The following COBLL1 variants were observed in gnomAD, a reference collection of about 807,000 sequenced individuals.
The protein encoded by COBLL1 is cordon-bleu protein-like 1.
Under a neutral mutation model 94.8 loss-of-function variants are expected in COBLL1, and 50 were observed. The observed-to-expected ratio is 0.53, with a 90% CI of 0.42 to 0.67. COBLL1 has a LOEUF of 0.67. Among genes scored for constraint, COBLL1 ranks in the 30% least tolerant of loss-of-function variants. The pLI is 0.00. For synonymous variants in COBLL1, 448 were observed against 473.8 expected, an observed-to-expected ratio of 0.95 and a Z score of 0.71; for missense variants, 1,362 against 1,348.7, an observed-to-expected ratio of 1.01 and a Z score of -0.15.
intron 2 of COBLL1, among the ~76,000 whole-genome samples, chr2:164,660,560 G>A (rs1691054604): frequency 6.6e-6 from 1 of 152,112 alleles, no homozygotes; most frequent in Non-Finnish European, 1.5e-5. Flanking sequence ...AACAAGCCCA[G>A]TAGTACACTA....
chr2:164,755,181 A>T (rs189991995), intron 2 of COBLL1, among the ~76,000 whole-genome samples: 10 of 152,112 alleles, frequency 6.6e-5, no homozygotes, highest in Non-Finnish European at 1.5e-4. Flanking sequence ...ATATATGAAA[A>T]TTTTTTTAAA....
Position 164,841,026 on chromosome 2 carries a change from T to G in COBLL1, c.41+130A>C. ...GGAGGAAGCAGCCTCCCCGGCCGCG[T>G]GGAGGACAGTCAGTGAGTCAGGCCG... On this transcript the variant is annotated intron_variant, in intron 2 of 13. Transcript: ENST00000652658. The surrounding 1 kb of genome is among the most constrained non-coding windows in gnomAD (Gnocchi z 5.5). 4.0e-6 allele frequency: 4 copies of G among 990,058 alleles called. No individual in the cohort carries two copies. The highest frequency in any genetic ancestry group is 5.2e-5 in the South Asian group (1 of 19,308). 61.3% of individuals were successfully genotyped at this position (990,058 alleles called of 1,614,324 possible).
chr2:164,679,950 A>T (rs1272343849), downstream of COBLL1, among the ~76,000 whole-genome samples: 1 of 151,252 alleles, frequency 6.6e-6, no homozygotes, highest in Non-Finnish European at 1.5e-5. Flanking sequence ...AATAATAATA[A>T]TAATAATAAT....
intron 2 of COBLL1, among the ~76,000 whole-genome samples, chr2:164,822,727 T>C (rs1367083257): frequency 4.1e-5 from 3 of 74,072 alleles, no homozygotes; most frequent in Non-Finnish European, 2.8e-5. Context: ...TCTGAAAAGA[T>C]TATATTATAT....
At chr2:164,754,753 T>G (rs1687307583) in intron 2 of COBLL1, among the ~76,000 whole-genome samples, 1 of 152,248 alleles carries the variant, frequency 6.6e-6, no homozygotes, top group Admixed American at 6.5e-5. Context: ...AAGTCTATTT[T>G]AAATTCTTTT....
At chr2:164,671,386 C>T (rs1691238826) in intron 1 of COBLL1, among the ~76,000 whole-genome samples, 1 of 152,028 alleles carries the variant, frequency 6.6e-6, no homozygotes, top group Non-Finnish European at 1.5e-5. Context: ...GTCTGTGGCC[C>T]TTGCTATGAA....
intron 2 of COBLL1, among the ~76,000 whole-genome samples, chr2:164,799,601 C>G (rs1469688678): frequency 6.6e-6 from 1 of 151,938 alleles, no homozygotes; most frequent in Non-Finnish European, 1.5e-5. Flanking sequence ...TAGACAAGCA[C>G]ATATTAAAAT....
chr2:164,694,157 A>G, intron 12 of COBLL1, 112 bp downstream of exon 12: 2 of 1,022,890 alleles, frequency 2.0e-6, no homozygotes, highest in Non-Finnish European at 2.9e-6. Context: ...GCTTAATTTC[A>G]GATGAATATG....
rs2105403951 is a variant in COBLL1 at position 164,841,043 on chromosome 2, G to A, written c.41+113C>T. ...CGGCCGCGTGGAGGACAGTCAGTGA[G>A]TCAGGCCGCCGGCAGGGCAGCGAGT... On this transcript the variant is annotated intron_variant, in intron 2 of 13. Coordinates refer to ENST00000652658, the MANE Select transcript of COBLL1 (RefSeq NM_001365672.2). This position sits in a 1 kb window ranked among gnomAD's most constrained non-coding sequence, Gnocchi z 5.5. 2.6e-6 allele frequency: 3 copies of A among 1,139,174 alleles called. No homozygotes were observed. The highest frequency in any genetic ancestry group is 2.2e-6 in the Non-Finnish European group (2 of 905,412). 70.6% of individuals were successfully genotyped at this position (1,139,174 alleles called of 1,614,324 possible). A position where few individuals can be genotyped will look rare whatever the true frequency, so the allele number is the denominator to read the frequency against.
At chr2:164,686,140 A>G (rs896952545) in intron 13 of COBLL1, 108 bp from the exon 14 acceptor site, 2 of 534,106 alleles carry the variant, frequency 3.7e-6, no homozygotes, top group East Asian at 3.3e-5. Context: ...ATTGTAAATG[A>G]TAAGTATCTA....
At chr2:164,674,266 G>T (rs1257004346) in intron 1 of COBLL1, among the ~76,000 whole-genome samples, 4 of 152,012 alleles carry the variant, frequency 2.6e-5, no homozygotes, top group Non-Finnish European at 4.4e-5. Context: ...TCACCGTGTT[G>T]GCCAGGATGG....
chr2:164,659,887 A>G (rs1295977960), intron 2 of COBLL1, among the ~76,000 whole-genome samples: 1 of 152,144 alleles, frequency 6.6e-6, no homozygotes, highest in Non-Finnish European at 1.5e-5. Flanking sequence ...AGTTTAAAGG[A>G]AATAACTTTA....
intron 2 of COBLL1, among the ~76,000 whole-genome samples, chr2:164,753,586 C>T (rs1687233012): frequency 6.6e-6 from 1 of 151,522 alleles, no homozygotes; most frequent in South Asian, 2.1e-4. Context: ...TCCAATATGG[C>T]GGCCATGTAG....
Position 164,680,321 on chromosome 2 carries a change from T to C in COBLL1, c.*5625A>G, listed in dbSNP as rs1346323404. The C allele has an allele frequency of 6.6e-6, 1 of 152,080 alleles. No individual in the cohort carries two copies. Among genetic ancestry groups the C allele is most frequent in the Non-Finnish European group, 1.5e-5 (1 of 68,006 alleles). The allele number at this position is 152,080 out of a possible 1,614,324, so 9.4% of individuals were successfully genotyped here. Reference sequence around the variant, plus strand: ...AATTGTAACCGTCATAATAATAATGTAGAGAGTAATGATGACATTACCAAA... The same window carrying C: ...AATTGTAACCGTCATAATAATAATGCAGAGAGTAATGATGACATTACCAAA... On this transcript the variant is annotated 3_prime_UTR_variant, in exon 14 of 14. Transcript: ENST00000652658.
intron 2 of COBLL1, chr2:164,761,589 A>G (rs1263537428): frequency 6.6e-6 from 1 of 152,212 alleles, no homozygotes; most frequent in African/African-American, 2.4e-5. Flanking sequence ...TCAATAAGAC[A>G]CAGGCGTCAC....
intron 2 of COBLL1, among the ~76,000 whole-genome samples, chr2:164,823,311 T>G (rs1019621675): frequency 6.6e-6 from 1 of 152,228 alleles, no homozygotes; most frequent in African/African-American, 2.4e-5. Flanking sequence ...AAATACTTAC[T>G]GAAAATCAAC....
intron 2 of COBLL1, among the ~76,000 whole-genome samples, chr2:164,834,745 C>T (rs1298672021): frequency 3.9e-5 from 6 of 152,152 alleles, no homozygotes; most frequent in Non-Finnish European, 7.4e-5. Flanking sequence ...GCATGGGTGG[C>T]TGTTTGCCAG....
At chr2:164,679,939 A>AAATAATAAT (rs535463767), downstream of COBLL1, among the ~76,000 whole-genome samples, 308 of 150,288 alleles carry the variant, frequency 2.0e-3, no homozygotes, top group African/African-American at 7.1e-3. Context: ...ATATAAATAT[A>AAATAATAAT]AATAATAATA....
chr2:164,686,597 GTTTT>G (rs572839437), intron 13 of COBLL1, among the ~76,000 whole-genome samples: 1 of 144,482 alleles, frequency 6.9e-6, no homozygotes, highest in East Asian at 2.0e-4. Flanking sequence ...CTGAAAAGGA[GTTTT>G]TTTTTTTTCC....
Sources: gnomAD v4.1 joint callset for allele counts (sites outside exome capture counted in the v4.1 genomes callset) on GRCh38, gnomAD v4.1.1 for gene constraint, Gnocchi (gnomAD v3.1) non-coding constraint, MANE v1.5 for transcripts, NCBI Gene and HGNC (gene_info 2026-07-23, HGNC 2026-07-21) for gene names.